The following CMC2 variants were observed in gnomAD, a reference collection of about 807,000 sequenced individuals.
CMC2 encodes COX assembly mitochondrial protein 2 homolog.
CMC2 carries 5 observed loss-of-function variants against 7.5 expected under a neutral mutation model. The observed-to-expected ratio is 0.66, with a 90% CI of 0.35 to 1.40. CMC2 has a LOEUF of 1.40. Ranked by LOEUF, CMC2 falls within the 40% of genes most tolerant of loss-of-function variation. The pLI, the probability that CMC2 is intolerant of heterozygous loss-of-function variation, is 0.04. For missense variants in CMC2, 115 were observed against 92.3 expected (o/e 1.25, Z -1.01); for synonymous variants, 37 against 31.4 (o/e 1.18, Z -0.60).
intron 1 of CMC2, chr16:80,998,977 G>A (rs1049167012): frequency 2.6e-5 from 4 of 152,106 alleles, no homozygotes. Context: ...CAAACTCACA[G>A]CCAACATCAT....
intron 2 of CMC2, among the ~76,000 whole-genome samples, chr16:80,993,517 G>A (rs1968171199): frequency 6.6e-6 from 1 of 152,146 alleles, no homozygotes; most frequent in African/African-American, 2.4e-5. Flanking sequence ...CATGTATTGG[G>A]TGACTTTCAC....
intron 3 of CMC2, chr16:80,980,892 A>G: frequency 1.4e-6 from 1 of 696,232 alleles, no homozygotes; most frequent in Non-Finnish European, 2.6e-6. Flanking sequence ...GTCTCAAAAG[A>G]AAAAAGAAAA....
intron 2 of CMC2, among the ~76,000 whole-genome samples, chr16:80,985,035 C>T (rs182961443): frequency 9.8e-4 from 149 of 152,260 alleles, no homozygotes; most frequent in Admixed American, 7.4e-3. Context: ...CAGATATCTG[C>T]GAACCTTTTA....
At chr16:80,996,398 C>T (rs1968417142) in intron 2 of CMC2, among the ~76,000 whole-genome samples, 1 of 152,140 alleles carries the variant, frequency 6.6e-6, no homozygotes, top group South Asian at 2.1e-4. Flanking sequence ...GTTCTTTAAA[C>T]AGTGAATATT....
rs947816734 is a variant in CMC2 at position 80,971,599 on chromosome 16, C to CATATATAT, written c.*4486_*4493dup. On this transcript the variant is annotated 3_prime_UTR_variant, in exon 4 of 4. Transcript: ENST00000219400. ...ATATATATATATGTATGAAATCATG[C>CATATATAT]ATATATATATATGTATGAAATCATG... The CATATATAT allele has an allele frequency of 9.5e-4, 107 of 113,214 alleles. 1 individual carries two copies. The highest frequency in any genetic ancestry group is 4.6e-3 in the African/African-American group (100 of 21,838). 7.0% of individuals were successfully genotyped at this position (113,214 alleles called of 1,614,324 possible). A position where few individuals can be genotyped will look rare whatever the true frequency, so the allele number is the denominator to read the frequency against.
At chr16:81,004,785 T>C (rs1969127807) in intron 1 of CMC2, among the ~76,000 whole-genome samples, 1 of 152,228 alleles carries the variant, frequency 6.6e-6, no homozygotes, top group Non-Finnish European at 1.5e-5. Flanking sequence ...GGTACAATTT[T>C]CCTCAAGAGT....
intron 1 of CMC2, chr16:81,006,379 G>A (rs1159694043): frequency 6.6e-6 from 1 of 152,274 alleles, no homozygotes; most frequent in Non-Finnish European, 1.5e-5. Flanking sequence ...CAAACCCTGT[G>A]TTGAGGGCTC....
rs975983836 is a variant in CMC2 at position 80,967,474 on chromosome 16, G to A, written c.*8619C>T. 6.6e-6 allele frequency: 1 copy of A among 152,388 alleles called. No individual in the cohort carries two copies. The highest frequency in any genetic ancestry group is 1.5e-5 in the Non-Finnish European group (1 of 68,212). 9.4% of individuals were successfully genotyped at this position (152,388 alleles called of 1,614,324 possible). A position where few individuals can be genotyped will look rare whatever the true frequency, so the allele number is the denominator to read the frequency against. On this transcript the variant is annotated 3_prime_UTR_variant, in exon 4 of 4. Coordinates refer to ENST00000219400, the MANE Select transcript of CMC2 (RefSeq NM_020188.5). ...CCCGCCTCAGCCTCCCAAGTAGCTG[G>A]GACTACAGGCGCCCACTACCACGCC... is the stretch of plus-strand genomic sequence containing the variant.
At chr16:80,995,664 A>G (rs1045315408) in intron 2 of CMC2, among the ~76,000 whole-genome samples, 2 of 152,214 alleles carry the variant, frequency 1.3e-5, no homozygotes, top group Admixed American at 1.3e-4. Flanking sequence ...CTCAAAAACA[A>G]AAAGAATATA....
intron 2 of CMC2, among the ~76,000 whole-genome samples, chr16:80,992,760 T>C (rs1385451330): frequency 1.3e-5 from 2 of 150,296 alleles, no homozygotes; most frequent in East Asian, 3.9e-4. Flanking sequence ...CACAGGCTGA[T>C]GTGTTGTACT....
In CMC2 at chr16:80,971,928, TCAGC is replaced by T. The variant is rs1423417890; in HGVS notation, c.*4161_*4164del. ...TGCTCACTTCAGACGTGGTATACAC[TCAGC>T]CAGTTTCTTTTCTCTAAGTGAGAGA... On this transcript the variant is annotated 3_prime_UTR_variant, in exon 4 of 4. Coordinates refer to ENST00000219400, the MANE Select transcript of CMC2 (RefSeq NM_020188.5). 6.6e-6 allele frequency: 1 copy of T among 152,200 alleles called. No individual in the cohort carries two copies. Among genetic ancestry groups the T allele is most frequent in the Non-Finnish European group, 1.5e-5 (1 of 68,042 alleles). The allele number at this position is 152,200 out of a possible 1,614,324, so 9.4% of individuals were successfully genotyped here. A position where few individuals can be genotyped will look rare whatever the true frequency, so the allele number is the denominator to read the frequency against.
chr16:81,001,667 A>G (rs576836887), intron 1 of CMC2, among the ~76,000 whole-genome samples: 2 of 152,272 alleles, frequency 1.3e-5, no homozygotes, highest in African/African-American at 4.8e-5. Context: ...TGTAAATTAT[A>G]CCTCAAGCTG....
intron 1 of CMC2, among the ~76,000 whole-genome samples, chr16:81,003,334 A>G (rs1461318932): frequency 6.6e-6 from 1 of 152,256 alleles, no homozygotes; most frequent in African/African-American, 2.4e-5. Context: ...CTTCAAAGTC[A>G]TAAGAAGATA....
intron 2 of CMC2, among the ~76,000 whole-genome samples, chr16:80,994,624 C>T (rs1181757233): frequency 6.6e-6 from 1 of 152,200 alleles, no homozygotes; most frequent in South Asian, 2.1e-4. Context: ...CAGGGAAATA[C>T]AATTTAAAAC....
chr16:80,978,431 G>A, intron 3 of CMC2: 1 of 1,225,804 alleles, frequency 8.2e-7, no homozygotes, highest in Non-Finnish European at 1.1e-6. Flanking sequence ...TAAAAGGGGA[G>A]AAAAGGATGA....
At chr16:80,985,997 T>C (rs1021393922) in intron 2 of CMC2, among the ~76,000 whole-genome samples, 5 of 150,942 alleles carry the variant, frequency 3.3e-5, no homozygotes, top group African/African-American at 1.2e-4. Context: ...CATTAAGGAC[T>C]TGAAACACAA....
At chr16:80,980,005 A>G (rs1465025453) in intron 3 of CMC2, among the ~76,000 whole-genome samples, 1 of 150,388 alleles carries the variant, frequency 6.6e-6, no homozygotes, top group African/African-American at 2.5e-5. Context: ...TGCAGCCATG[A>G]ACTCCTGGGC....
At chr16:80,983,577 A>C (rs1472668701) in intron 2 of CMC2, 1 of 152,266 alleles carries the variant, frequency 6.6e-6, no homozygotes, top group Non-Finnish European at 1.5e-5. Flanking sequence ...TGCCATGGGC[A>C]GAGTAACTTC....
intron 3 of CMC2, among the ~76,000 whole-genome samples, chr16:80,976,661 C>T (rs926893137): frequency 3.3e-5 from 5 of 152,080 alleles, no homozygotes; most frequent in African/African-American, 9.7e-5. Flanking sequence ...ACCAAAAGTG[C>T]TTCCCTGTAA....
Sources: gnomAD v4.1 joint callset for allele counts (sites outside exome capture counted in the v4.1 genomes callset) on GRCh38, gnomAD v4.1.1 for gene constraint, MANE v1.5 for transcripts, NCBI Gene and HGNC (gene_info 2026-07-23, HGNC 2026-07-21) for gene names.